Variants in IL2 observed in about 807,000 individuals in gnomAD.
IL2 encodes the protein interleukin 2, also known as interleukin-2.
A neutral mutation model predicts 14.6 loss-of-function variants in IL2; 3 were observed. The ratio of observed to expected loss-of-function variants is 0.21; its 90% confidence interval spans 0.09 to 0.53. The LOEUF (loss-of-function observed/expected upper bound fraction) is 0.53. Among genes scored for constraint, IL2 ranks in the 20% least tolerant of loss-of-function variants. The pLI is 0.95. For missense variants in IL2, 125 were observed against 170.8 expected, an observed-to-expected ratio of 0.73 and a Z score of 1.50; for synonymous variants, 71 against 60.0, an observed-to-expected ratio of 1.18 and a Z score of -0.85.
intron 3 of IL2, among the ~76,000 whole-genome samples, chr4:122,453,208 T>TA (rs1460798472): frequency 3.9e-5 from 6 of 151,966 alleles, no homozygotes; most frequent in Non-Finnish European, 8.8e-5. Flanking sequence ...GGATTGCCTC[T>TA]AAAAAGATTG....
chr4:122,455,720 T>C (rs1216963373), intron 2 of IL2, among the ~76,000 whole-genome samples: 1 of 151,968 alleles, frequency 6.6e-6, no homozygotes, highest in Non-Finnish European at 1.5e-5. Context: ...GACTCTGTGC[T>C]ATTAGTGTTA....
rs1797728049 is a variant in IL2, at chr4:122,456,162, C to T, written c.189G>A (p.Lys63=). Residue 63 remains lysine (K), a synonymous_variant, in exon 2 of 4, where the codon AAG becomes AAA. Transcript: ENST00000226730. ...NPKLTRMLTF[K]FYMPKKATEL... ...TACTTACCTTCTTGGGCATGTAAAACTTAAATGTGAGCATCCTGGTGAGTT... is the reference window on the plus strand; with the variant it reads ...TACTTACCTTCTTGGGCATGTAAAATTTAAATGTGAGCATCCTGGTGAGTT... 1 of 1,606,990 alleles carries T rather than the reference C, an allele frequency of 6.2e-7. No individual in the cohort carries two copies. Among genetic ancestry groups the T allele is most frequent in the East Asian group, 2.2e-5 (1 of 44,744 alleles).
intron 2 of IL2, among the ~76,000 whole-genome samples, chr4:122,454,136 G>A (rs557107024): frequency 1.3e-5 from 2 of 151,950 alleles, no homozygotes; most frequent in South Asian, 4.2e-4. Context: ...TACAGATGTA[G>A]GCTGATTACT....
At chr4:122,455,890 A>C (rs1797725445) in intron 2 of IL2, among the ~76,000 whole-genome samples, 1 of 151,928 alleles carries the variant, frequency 6.6e-6, no homozygotes, top group South Asian at 2.1e-4. Context: ...ATTTTTGTTT[A>C]GAATTGTCTT....
intron 1 of IL2, 26 bp from the exon 2 acceptor site, chr4:122,456,229 TAAG>T: frequency 6.2e-7 from 1 of 1,600,200 alleles, no homozygotes; most frequent in Non-Finnish European, 8.6e-7. Flanking sequence ...GCATTGTTAT[TAAG>T]AAATGATCTC....
At chr4:122,454,849 C>T (rs1797714327) in intron 2 of IL2, among the ~76,000 whole-genome samples, 1 of 151,786 alleles carries the variant, frequency 6.6e-6, no homozygotes, top group Admixed American at 6.6e-5. Flanking sequence ...AATTCTACCA[C>T]CCCCTAAATT....
chr4:122,452,088 T>C (rs958520735), intron 3 of IL2, among the ~76,000 whole-genome samples: 14 of 152,096 alleles, frequency 9.2e-5, no homozygotes, highest in African/African-American at 2.9e-4. Flanking sequence ...CATTTGTTAA[T>C]TCAGTCAATG....
At chr4:122,454,032 G>A (rs574595064) in intron 2 of IL2, among the ~76,000 whole-genome samples, 179 bp from the exon 3 acceptor site, 2 of 151,996 alleles carry the variant, frequency 1.3e-5, no homozygotes, top group South Asian at 2.1e-4. Context: ...TAGGGCTCAA[G>A]TACCTATGAC....
intron 3 of IL2, 77 bp downstream of exon 3, chr4:122,453,633 G>A (rs1797698319): frequency 1.6e-6 from 2 of 1,261,400 alleles, no homozygotes; most frequent in East Asian, 4.7e-5. Context: ...AAAATGTTAT[G>A]TCACTTTAAA....
chr4:122,455,955 C>A (rs2150634243), intron 2 of IL2, among the ~76,000 whole-genome samples, 189 bp downstream of exon 2: 1 of 151,486 alleles, frequency 6.6e-6, no homozygotes, highest in South Asian at 2.1e-4. Flanking sequence ...CACCAACACA[C>A]AAATATATAT....
intron 2 of IL2, among the ~76,000 whole-genome samples, chr4:122,455,864 G>A (rs1383095403): frequency 6.6e-6 from 1 of 151,798 alleles, no homozygotes; most frequent in Non-Finnish European, 1.5e-5. Flanking sequence ...ATTTTTAAAT[G>A]AAACCATAAA....
intron 2 of IL2, 82 bp from the exon 3 acceptor site, chr4:122,453,935 G>T: frequency 8.2e-7 from 1 of 1,219,152 alleles, no homozygotes; most frequent in Non-Finnish European, 1.1e-6. Flanking sequence ...ATTTGGAGTA[G>T]CAGTATGTAG....
intron 2 of IL2, among the ~76,000 whole-genome samples, chr4:122,454,980 G>A (rs2069778): frequency 0.1 from 15,319 of 151,504 alleles, 1,040 homozygotes; most frequent in Non-Finnish European, 0.16. Flanking sequence ...CTACAAATTC[G>A]GGTTTAAGTT....
Position 122,453,588 on chromosome 4 carries a change from G to T in IL2, c.351+122C>A, listed in dbSNP as rs1797698062. Reference sequence around the variant, plus strand: ...ATGTTCACAGTGTACTTAAAATGTAGGCTAATTACATGCATGGGTACTTTA... The same window carrying T: ...ATGTTCACAGTGTACTTAAAATGTATGCTAATTACATGCATGGGTACTTTA... On this transcript the variant is annotated intron_variant, in intron 3 of 3. Transcript: ENST00000226730. The T allele has an allele frequency of 5.6e-6, 4 of 720,148 alleles. No individual in the cohort carries two copies. The South Asian group carries it at 7.4e-5, about 13-fold the overall frequency. 44.6% of individuals were successfully genotyped at this position (720,148 alleles called of 1,614,324 possible). A position where few individuals can be genotyped will look rare whatever the true frequency, so the allele number is the denominator to read the frequency against.
At chr4:122,452,659 C>G (rs1208979631) in intron 3 of IL2, among the ~76,000 whole-genome samples, 1 of 151,956 alleles carries the variant, frequency 6.6e-6, no homozygotes, top group Non-Finnish European at 1.5e-5. Context: ...GGAACAAAAG[C>G]AGGTGAGATA....
intron 3 of IL2, 70 bp downstream of exon 3, chr4:122,453,640 T>C: frequency 7.4e-7 from 1 of 1,352,204 alleles, no homozygotes; most frequent in Non-Finnish European, 1.0e-6. Flanking sequence ...TATGTCACTT[T>C]AAAATGTGGT....
chr4:122,456,247 T>C (rs1191749450), intron 1 of IL2, 44 bp from the exon 2 acceptor site: 1 of 1,593,114 alleles, frequency 6.3e-7, no homozygotes, highest in Non-Finnish European at 8.6e-7. Context: ...GATCTCCAGC[T>C]AGATTACTAA....
At position 122,456,144 on chromosome 4, in the gene IL2, C is replaced by A. The variant is rs1797727831; in HGVS notation, c.207G>T (p.Lys69Asn). The part of the protein sequence containing the change: ...MLTFKFYMPK[K>N]ATELKHLQCL... ...ATTGAACATAAAATATTGTACTTAC[C>A]TTCTTGGGCATGTAAAACTTAAATG... Residue 69 changes from lysine (K) to asparagine (N), a missense_variant and splice_region_variant, in exon 2 of 4, where the codon AAG becomes AAT. By Grantham distance (94) the Lys-to-Asn change is moderately conservative (BLOSUM62 0). Coordinates refer to ENST00000226730, the MANE Select transcript of IL2 (RefSeq NM_000586.4). 6.3e-7 allele frequency: 1 copy of A among 1,596,478 alleles called. No homozygotes were observed. The highest frequency in any genetic ancestry group is 8.6e-7 in the Non-Finnish European group (1 of 1,165,792).
chr4:122,453,339 A>G (rs964695275), intron 3 of IL2, among the ~76,000 whole-genome samples: 13 of 151,796 alleles, frequency 8.6e-5, no homozygotes, highest in Admixed American at 8.5e-4. Flanking sequence ...CTTTCAGGTA[A>G]TCAGTATTGG....
Sources: allele counts gnomAD v4.1 joint callset (sites outside exome capture counted in the v4.1 genomes callset), GRCh38; gene constraint gnomAD v4.1.1; transcripts MANE v1.5; gene names NCBI Gene and HGNC (gene_info 2026-07-23, HGNC 2026-07-21).